The following EHF variants were observed in gnomAD, a reference collection of about 807,000 sequenced individuals.
EHF encodes the protein ETS homologous factor.
In EHF, 14 loss-of-function variants were observed where a neutral mutation model predicts 45.1. The observed-to-expected ratio is 0.31, with a 90% confidence interval of 0.21 to 0.49. The LOEUF is 0.49. Among genes scored for constraint, EHF ranks in the 20% least tolerant of loss-of-function variants. The probability of loss-of-function intolerance (pLI) is 0.99; values close to 1 mark genes in which losing one functional copy is unlikely to be tolerated. For synonymous variants in EHF, 136 were observed against 131.8 expected (o/e 1.03, Z -0.22); for missense variants, 282 against 371.4 (o/e 0.76, Z 1.98).
intron 6 of EHF, 23 bp downstream of exon 6, chr11:34,651,828 G>C: frequency 6.2e-7 from 1 of 1,608,250 alleles, no homozygotes; most frequent in Non-Finnish European, 8.5e-7. Context: ...CACATCTGAG[G>C]CTGGGTATGC....
chr11:34,638,077 T>C (rs1167662511), intron 1 of EHF, among the ~76,000 whole-genome samples: 1 of 152,032 alleles, frequency 6.6e-6, no homozygotes, highest in Non-Finnish European at 1.5e-5. Flanking sequence ...AATTTTTGTA[T>C]TTTTAGTAGA....
intron 6 of EHF, among the ~76,000 whole-genome samples, chr11:34,654,861 T>C (rs1306303752): frequency 6.6e-6 from 1 of 152,188 alleles, no homozygotes; most frequent in Non-Finnish European, 1.5e-5. Context: ...ACTCTTGTAT[T>C]TTTCTGAATT....
intron 1 of EHF, among the ~76,000 whole-genome samples, chr11:34,632,135 A>C (rs926656146): frequency 2.0e-5 from 3 of 152,206 alleles, no homozygotes; most frequent in African/African-American, 7.2e-5. Flanking sequence ...AGGAAAAACA[A>C]ATTGGCATGA....
intron 1 of EHF, among the ~76,000 whole-genome samples, chr11:34,636,753 C>T (rs1590447063): frequency 6.6e-6 from 1 of 152,186 alleles, no homozygotes; most frequent in Non-Finnish European, 1.5e-5. Flanking sequence ...GGCACCACGG[C>T]CGGGCCCGGT....
chr11:34,632,814 C>T lies in EHF; in HGVS notation c.-3-9814C>T, dbSNP rs149321956. On this transcript the variant is annotated intron_variant, in intron 1 of 8. Coordinates refer to ENST00000257831, the MANE Select transcript of EHF (RefSeq NM_012153.6). ...TGAATAGTCCATCAGGGTAGGGCAG[C>T]GTCTATGTTTTGTTAACTATTGTAT... Among the ~76,000 whole-genome samples the T allele has an allele frequency of 3.4e-3, 524 of 152,090 alleles. 3 individuals carry two copies. The highest frequency in any genetic ancestry group is 4.3e-3 in the Non-Finnish European group (295 of 68,008).
intron 3 of EHF, 112 bp from the exon 4 acceptor site, chr11:34,648,907 C>A: frequency 1.0e-6 from 1 of 991,316 alleles, no homozygotes; most frequent in Non-Finnish European, 1.5e-6. Context: ...CATAGGTGAC[C>A]AGGCAGTAGG....
intron 6 of EHF, among the ~76,000 whole-genome samples, chr11:34,656,075 CACATAT>C: frequency 6.6e-6 from 1 of 151,826 alleles, no homozygotes; most frequent in Non-Finnish European, 1.5e-5. Context: ...CACACACACA[CACATAT>C]ACACACACAC....
chr11:34,648,943 AG>A, intron 3 of EHF, 75 bp from the exon 4 acceptor site: 3 of 1,386,316 alleles, frequency 2.2e-6, no homozygotes, highest in Non-Finnish European at 3.0e-6. Flanking sequence ...CAAAGATGCC[AG>A]TTCTGTCCTT....
At chr11:34,632,604 G>A (rs1259716870) in intron 1 of EHF, 2 of 1,535,462 alleles carry the variant, frequency 1.3e-6, no homozygotes, top group South Asian at 2.4e-5. Context: ...GGTTGCCGGA[G>A]AGAAGAGGAT....
intron 6 of EHF, among the ~76,000 whole-genome samples, chr11:34,654,847 A>G (rs1328826389): frequency 6.6e-6 from 1 of 152,188 alleles, no homozygotes; most frequent in Non-Finnish European, 1.5e-5. Context: ...CAATATACTG[A>G]GAGACTCTTG....
chr11:34,635,929 C>T (rs1009771774), intron 1 of EHF, among the ~76,000 whole-genome samples: 9 of 152,136 alleles, frequency 5.9e-5, no homozygotes, highest in African/African-American at 1.2e-4. Context: ...GTCCAAGCCC[C>T]GCTGTTTATA....
intron 3 of EHF, among the ~76,000 whole-genome samples, chr11:34,647,591 A>G (rs1370704736): frequency 6.6e-6 from 1 of 152,214 alleles, no homozygotes. Flanking sequence ...GCCTGTCTGC[A>G]CTGGAAAAGG....
At chr11:34,624,120 C>G (rs554678057) in intron 1 of EHF, 1 of 195,952 alleles carries the variant, frequency 5.1e-6, no homozygotes, top group Non-Finnish European at 9.3e-6. Context: ...TTCAGGGATA[C>G]CATTTTGCTG....
rs1856068266 is a variant in EHF at position 34,661,327 on chromosome 11, A to G, written c.*2396A>G. 6.6e-6 allele frequency among the ~76,000 whole-genome samples: 1 copy of G among 152,168 alleles called. No homozygotes were observed. Among genetic ancestry groups the G allele is most frequent in the African/African-American group, 2.4e-5 (1 of 41,446 alleles). ...CCTTCTCTGACTTTGCCTGTTCATC[A>G]TCTAAGGAGGCTAGATCCTTCGCTG... On this transcript the variant is annotated 3_prime_UTR_variant, in exon 9 of 9. Coordinates refer to ENST00000257831, the MANE Select transcript of EHF (RefSeq NM_012153.6).
rs1856037103 is a variant in EHF at position 34,660,856 on chromosome 11, T to C, written c.*1925T>C. ...CAAAGGTTGCAAAGTGTTTGTAATA[T>C]ATTCATGAGGCTGGAAGTAAGAAGA... On this transcript the variant is annotated 3_prime_UTR_variant, in exon 9 of 9. Coordinates refer to ENST00000257831, the MANE Select transcript of EHF (RefSeq NM_012153.6). 1 of 152,204 alleles carries C rather than the reference T, an allele frequency of 6.6e-6. No individual in the cohort carries two copies. Among genetic ancestry groups the C allele is most frequent in the Non-Finnish European group, 1.5e-5 (1 of 68,024 alleles). The allele number at this position is 152,204 out of a possible 1,614,324, so 9.4% of individuals were successfully genotyped here. A position where few individuals can be genotyped will look rare whatever the true frequency, so the allele number is the denominator to read the frequency against.
intron 3 of EHF, among the ~76,000 whole-genome samples, chr11:34,648,391 A>G (rs968374839): frequency 6.6e-6 from 1 of 151,914 alleles, no homozygotes; most frequent in African/African-American, 2.4e-5. Context: ...GCTTTTATAT[A>G]TGATAATGGG....
At chr11:34,651,687 G>T (rs971775328) in intron 5 of EHF, 50 bp from the exon 6 acceptor site, 10 of 1,610,120 alleles carry the variant, frequency 6.2e-6, no homozygotes, top group Non-Finnish European at 8.5e-6. Context: ...TCTATTGTGA[G>T]GTGGGGGGAG....
chr11:34,624,805 C>T (rs1270371630), intron 1 of EHF, among the ~76,000 whole-genome samples: 1 of 152,074 alleles, frequency 6.6e-6, no homozygotes, highest in Non-Finnish European at 1.5e-5. Flanking sequence ...TTTTGAACTC[C>T]AGCTTTGGAG....
chr11:34,643,354 C>G (rs1342652585), intron 2 of EHF, among the ~76,000 whole-genome samples: 1 of 150,518 alleles, frequency 6.6e-6, no homozygotes, highest in Admixed American at 6.6e-5. Context: ...ATCTCTGAAT[C>G]AAGTTGTTGC....
Sources: gnomAD v4.1 joint callset for allele counts (sites outside exome capture counted in the v4.1 genomes callset) on GRCh38, gnomAD v4.1.1 for gene constraint, MANE v1.5 for transcripts, NCBI Gene and HGNC (gene_info 2026-07-23, HGNC 2026-07-21) for gene names.